Variants in PAK5 observed in about 807,000 individuals in gnomAD.
The protein encoded by PAK5 is p21 (RAC1) activated kinase 5, also known as serine/threonine-protein kinase PAK 5.
In PAK5, 16 loss-of-function variants were observed where a neutral mutation model predicts 65.9. The observed-to-expected ratio is 0.24, with a 90% CI of 0.16 to 0.37. PAK5 has a LOEUF of 0.37. Among genes scored for constraint, PAK5 ranks in the 10% least tolerant of loss-of-function variants. The probability of loss-of-function intolerance (pLI) is 1.00; values close to 1 mark genes in which losing one functional copy is unlikely to be tolerated. For missense variants in PAK5, 785 were observed against 903.9 expected (o/e 0.87, Z 1.69); for synonymous variants, 371 against 354.9 (o/e 1.05, Z -0.51).
intron 1 of PAK5, among the ~76,000 whole-genome samples, chr20:9,793,877 C>T (rs1322788616): frequency 6.6e-6 from 1 of 152,066 alleles, no homozygotes; most frequent in Non-Finnish European, 1.5e-5. Flanking sequence ...CACATGCACA[C>T]ATATGTTTAC....
chr20:9,638,251 G>A (rs570440462), intron 3 of PAK5, among the ~76,000 whole-genome samples: 2 of 152,198 alleles, frequency 1.3e-5, no homozygotes, highest in Non-Finnish European at 2.9e-5. Flanking sequence ...TCTCATGGAC[G>A]AAATGACATT....
intron 4 of PAK5, among the ~76,000 whole-genome samples, chr20:9,578,840 G>A (rs552038549): frequency 1.4e-4 from 22 of 151,996 alleles, no homozygotes; most frequent in Non-Finnish European, 2.5e-4. Context: ...TCCTGAGTGT[G>A]GGTGTTCAAG....
chr20:9,823,909 A>C (rs1476929789), intron 1 of PAK5, among the ~76,000 whole-genome samples: 1 of 152,206 alleles, frequency 6.6e-6, no homozygotes, highest in Admixed American at 6.5e-5. Flanking sequence ...TGCTTGTAGA[A>C]GATTAATCTT....
intron 2 of PAK5, among the ~76,000 whole-genome samples, chr20:9,677,408 T>C (rs1172352865): frequency 6.6e-6 from 1 of 152,178 alleles, no homozygotes; most frequent in East Asian, 1.9e-4. Context: ...CTTCTTTCTT[T>C]TTCTACTTTG....
intron 1 of PAK5, among the ~76,000 whole-genome samples, chr20:9,777,409 G>A (rs960009050): frequency 6.6e-6 from 1 of 152,162 alleles, no homozygotes; most frequent in African/African-American, 2.4e-5. Flanking sequence ...AGTCTCACAA[G>A]ATCTGATGGT....
At chr20:9,799,522 G>C (rs763532141) in intron 1 of PAK5, among the ~76,000 whole-genome samples, 2 of 152,076 alleles carry the variant, frequency 1.3e-5, no homozygotes, top group African/African-American at 4.8e-5. Flanking sequence ...TTGAATATCA[G>C]TGATATTTCC....
chr20:9,667,735 CA>C (rs1464159073), intron 2 of PAK5, among the ~76,000 whole-genome samples: 1 of 152,230 alleles, frequency 6.6e-6, no homozygotes, highest in African/African-American at 2.4e-5. Flanking sequence ...TGTCACACAG[CA>C]GTAGATCACT....
chr20:9,562,700 A>G (rs2045609585), intron 6 of PAK5, among the ~76,000 whole-genome samples, 191 bp downstream of exon 6: 1 of 152,208 alleles, frequency 6.6e-6, no homozygotes, highest in Non-Finnish European at 1.5e-5. Flanking sequence ...GGCAGGGAGA[A>G]CATTCACCAA....
chr20:9,660,396 T>A (rs1307793746), intron 2 of PAK5, among the ~76,000 whole-genome samples: 1 of 151,814 alleles, frequency 6.6e-6, no homozygotes, highest in African/African-American at 2.4e-5. Flanking sequence ...GTATTTTTTG[T>A]GCACCTGCTG....
chr20:9,789,781 C>G (rs930762658), intron 1 of PAK5, among the ~76,000 whole-genome samples: 1 of 152,146 alleles, frequency 6.6e-6, no homozygotes, highest in African/African-American at 2.4e-5. Context: ...TAAAGCATCC[C>G]TTCTCCCTTA....
chr20:9,696,775 A>G (rs943351969), intron 2 of PAK5, among the ~76,000 whole-genome samples: 1 of 152,052 alleles, frequency 6.6e-6, no homozygotes, highest in African/African-American at 2.4e-5. Context: ...GTACTTGAAG[A>G]GTTTTTATTT....
Position 9,580,928 on chromosome 20 carries a change from T to C in PAK5, c.207A>G (p.Thr69=), listed in dbSNP as rs2045969655. ...TGCAGGGTTTGTTTCCTCTAACGAT[T>C]GTCTGGGAATAATAGAGGGAATATT... ...ITPIQLAPMK[T]IVRGNKPCKE... is the part of the protein sequence containing the mutation. Residue 69 remains threonine (T), a splice_region_variant and synonymous_variant, in exon 4 of 10, where the codon ACA becomes ACG. Transcript: ENST00000353224. The C allele has an allele frequency of 5.7e-6, 9 of 1,571,108 alleles. No homozygotes were observed. The highest frequency in any genetic ancestry group is 7.8e-6 in the Non-Finnish European group (9 of 1,160,026).
chr20:9,728,865 G>A (rs758657088), intron 1 of PAK5, among the ~76,000 whole-genome samples: 6 of 151,848 alleles, frequency 4.0e-5, no homozygotes, highest in African/African-American at 1.2e-4. Flanking sequence ...GAATTAAGTC[G>A]TAGTGACAGA....
rs140582217 is a variant in PAK5, at chr20:9,700,085, T to C, written c.-12+11201A>G. On this transcript the variant is annotated intron_variant, in intron 2 of 9. Coordinates refer to ENST00000353224, the MANE Select transcript of PAK5 (RefSeq NM_177990.4). The stretch of plus-strand genomic sequence containing the variant: ...GGAGTCCAGCCTCTTTTGCTCAACA[T>C]GTCTGTGATTCATCCATGTTGTTGT... 8.4e-3 allele frequency among the ~76,000 whole-genome samples: 1,272 copies of C among 152,278 alleles called. 5 individuals are homozygous for C. Among genetic ancestry groups the C allele is most frequent in the Middle Eastern group, 0.02 (6 of 294 alleles).
At chr20:9,625,200 C>G (rs2046826693) in intron 3 of PAK5, among the ~76,000 whole-genome samples, 1 of 152,204 alleles carries the variant, frequency 6.6e-6, no homozygotes, top group Non-Finnish European at 1.5e-5. Context: ...ATGACCTCCA[C>G]CACCTTCATA....
intron 1 of PAK5, among the ~76,000 whole-genome samples, chr20:9,832,040 A>G (rs565227075): frequency 6.6e-6 from 1 of 152,118 alleles, no homozygotes; most frequent in East Asian, 1.9e-4. Context: ...TAATCTTCAA[A>G]ATAATTAATT....
rs538811768 is a variant in PAK5, at chr20:9,645,936, C to T, written c.-11-1597G>A. On this transcript the variant is annotated intron_variant, in intron 2 of 9. Coordinates refer to ENST00000353224, the MANE Select transcript of PAK5 (RefSeq NM_177990.4). Reference sequence around the variant, plus strand: ...ATTCTTCACAGCATTTATCCACTTGCGATTAATTAATTACATATAATGGTG... The same window carrying T: ...ATTCTTCACAGCATTTATCCACTTGTGATTAATTAATTACATATAATGGTG... Among the ~76,000 whole-genome samples the T allele has an allele frequency of 1.6e-4, 24 of 152,240 alleles. No individual in the cohort carries two copies. The South Asian group carries it at 4.1e-3, about 26-fold the overall frequency.
intron 1 of PAK5, among the ~76,000 whole-genome samples, chr20:9,788,307 G>A (rs1306858395): frequency 1.3e-5 from 2 of 151,810 alleles, no homozygotes; most frequent in Non-Finnish European, 2.9e-5. Context: ...TAGATGCCTG[G>A]TCTCTTTATT....
In PAK5 at chr20:9,628,990, G is replaced by A. The variant is rs964022479; in HGVS notation, c.204+15135C>T. On this transcript the variant is annotated intron_variant, in intron 3 of 9. Coordinates refer to ENST00000353224, the MANE Select transcript of PAK5 (RefSeq NM_177990.4). ...AGAGCATCCCTGGCACAACTGAGTCGGCTTGCCTATGGGGTTGCCTGTTCA... is the reference window on the plus strand; with the variant it reads ...AGAGCATCCCTGGCACAACTGAGTCAGCTTGCCTATGGGGTTGCCTGTTCA... Among the ~76,000 whole-genome samples the A allele has an allele frequency of 7.2e-5, 11 of 152,250 alleles. No homozygotes were observed. In the East Asian group the frequency reaches 1.2e-3, roughly 16 times the overall value.
Sources: gnomAD v4.1 joint callset for allele counts (sites outside exome capture counted in the v4.1 genomes callset) on GRCh38, gnomAD v4.1.1 for gene constraint, MANE v1.5 for transcripts, NCBI Gene and HGNC (gene_info 2026-07-23, HGNC 2026-07-21) for gene names.